Variants in KCNAB1 observed in about 807,000 individuals in gnomAD.
KCNAB1 encodes the protein voltage-gated potassium channel subunit beta-1.
KCNAB1 carries 35 observed loss-of-function variants against 64.6 expected under a neutral mutation model. The observed-to-expected ratio is 0.54, with a 90% CI of 0.41 to 0.72. The LOEUF is 0.72. Among genes scored for constraint, KCNAB1 ranks in the 30% least tolerant of loss-of-function variants. The pLI is 0.00. For synonymous variants in KCNAB1, 177 were observed against 183.8 expected, an observed-to-expected ratio of 0.96 and a Z score of 0.30; for missense variants, 401 against 512.9, an observed-to-expected ratio of 0.78 and a Z score of 2.11.
intron 8 of KCNAB1, among the ~76,000 whole-genome samples, chr3:156,512,858 C>A (rs114149968): frequency 0.019 from 2,849 of 152,300 alleles, 39 homozygotes; most frequent in Non-Finnish European, 0.029. Context: ...CTCTGTTGGA[C>A]ACACAATGGT....
chr3:156,431,825 G>A (rs1716231425), intron 2 of KCNAB1, among the ~76,000 whole-genome samples: 1 of 152,182 alleles, frequency 6.6e-6, no homozygotes, highest in Non-Finnish European at 1.5e-5. Flanking sequence ...TGAATTCTGT[G>A]AGCTGCAGGT....
chr3:156,424,035 C>T (rs1715649729), intron 2 of KCNAB1, among the ~76,000 whole-genome samples: 1 of 152,054 alleles, frequency 6.6e-6, no homozygotes, highest in Non-Finnish European at 1.5e-5. Flanking sequence ...TATGGTGTGT[C>T]CATTGGGAGA....
At chr3:156,461,028 A>G (rs954401157) in intron 5 of KCNAB1, among the ~76,000 whole-genome samples, 2 of 152,198 alleles carry the variant, frequency 1.3e-5, no homozygotes, top group Non-Finnish European at 2.9e-5. Flanking sequence ...GGGAACTGTA[A>G]GGATGTTAAT....
chr3:156,183,993 C>T (rs1488900426), intron 1 of KCNAB1, among the ~76,000 whole-genome samples: 3 of 152,108 alleles, frequency 2.0e-5, no homozygotes, highest in Non-Finnish European at 4.4e-5. Flanking sequence ...TACCTACCTC[C>T]TAGGACTGTT....
At chr3:156,192,458 T>C (rs1029948180) in intron 1 of KCNAB1, among the ~76,000 whole-genome samples, 1 of 152,182 alleles carries the variant, frequency 6.6e-6, no homozygotes, top group Non-Finnish European at 1.5e-5. Flanking sequence ...TTGAAAATAA[T>C]GTGTTTTGCT....
At chr3:156,234,933 G>A (rs962688982) in intron 1 of KCNAB1, among the ~76,000 whole-genome samples, 5 of 152,074 alleles carry the variant, frequency 3.3e-5, no homozygotes, top group African/African-American at 7.2e-5. Flanking sequence ...ATGTATATTA[G>A]CACTGTTAAA....
chr3:156,319,569 C>A (rs973582778), intron 1 of KCNAB1, among the ~76,000 whole-genome samples: 2 of 152,128 alleles, frequency 1.3e-5, no homozygotes, highest in Admixed American at 6.5e-5. Flanking sequence ...ATGCAGGGGG[C>A]CAGAAACACT....
intron 1 of KCNAB1, among the ~76,000 whole-genome samples, chr3:156,338,008 A>G (rs919552829): frequency 2.0e-5 from 3 of 152,086 alleles, no homozygotes; most frequent in Non-Finnish European, 4.4e-5. Context: ...ACAAGTAACA[A>G]TTTTGCTGAT....
At chr3:156,487,042 A>C (rs1024051594) in intron 8 of KCNAB1, among the ~76,000 whole-genome samples, 1 of 152,178 alleles carries the variant, frequency 6.6e-6, no homozygotes. Context: ...TGCTTGTTAC[A>C]CGTTTAAATA....
At chr3:156,509,864 A>G (rs1250369565) in intron 8 of KCNAB1, among the ~76,000 whole-genome samples, 4 of 152,348 alleles carry the variant, frequency 2.6e-5, no homozygotes, top group African/African-American at 9.6e-5. Flanking sequence ...AGTATCTAGA[A>G]GACAGTTGAT....
At chr3:156,303,022 T>C (rs1721260122) in intron 1 of KCNAB1, among the ~76,000 whole-genome samples, 1 of 152,200 alleles carries the variant, frequency 6.6e-6, no homozygotes, top group Non-Finnish European at 1.5e-5. Context: ...ACTCACGCTG[T>C]CCCTGCTTTG....
intron 1 of KCNAB1, among the ~76,000 whole-genome samples, chr3:156,320,950 C>T (rs1487230053): frequency 6.7e-6 from 1 of 150,306 alleles, no homozygotes; most frequent in Non-Finnish European, 1.5e-5. Context: ...AACCAATAGT[C>T]TTTGAGAGCT....
At chr3:156,250,258 C>T (rs931002935) in intron 1 of KCNAB1, among the ~76,000 whole-genome samples, 11 of 152,120 alleles carry the variant, frequency 7.2e-5, no homozygotes, top group African/African-American at 2.7e-4. Context: ...CAGGGACAGT[C>T]CATCCTTTCT....
At position 156,471,982 on chromosome 3, in the gene KCNAB1, A is replaced by G. The variant is rs144242402; in HGVS notation, c.572-2752A>G. 1.9e-3 allele frequency among the ~76,000 whole-genome samples: 283 copies of G among 152,256 alleles called. 2 individuals are homozygous for G. The highest frequency in any genetic ancestry group is 6.6e-3 in the African/African-American group (274 of 41,552). Reference sequence around the variant, plus strand: ...TCACAGGGTCATTCGGGACAGCCCAAATCAGTACCCTGAATCCCAAACCCT... The same window carrying G: ...TCACAGGGTCATTCGGGACAGCCCAGATCAGTACCCTGAATCCCAAACCCT... On this transcript the variant is annotated intron_variant, in intron 7 of 13. Transcript: ENST00000490337.
intron 11 of KCNAB1, among the ~76,000 whole-genome samples, chr3:156,517,855 G>A (rs538023673): frequency 7.2e-5 from 11 of 152,278 alleles, no homozygotes; most frequent in South Asian, 2.1e-4. Context: ...ACTAAAACAC[G>A]AAGACCTTAA....
chr3:156,504,998 C>T (rs1716736905), intron 8 of KCNAB1, among the ~76,000 whole-genome samples: 1 of 152,012 alleles, frequency 6.6e-6, no homozygotes, highest in Admixed American at 6.6e-5. Flanking sequence ...TTTCCTGAAG[C>T]ATTTCCCCTG....
intron 12 of KCNAB1, among the ~76,000 whole-genome samples, chr3:156,529,179 C>T (rs1301576828): frequency 6.6e-6 from 1 of 152,144 alleles, no homozygotes; most frequent in Non-Finnish European, 1.5e-5. Context: ...TATACGGGTA[C>T]ATAGTGCAAC....
chr3:156,368,448 A>T (rs1453564909), intron 1 of KCNAB1, among the ~76,000 whole-genome samples: 1 of 152,130 alleles, frequency 6.6e-6, no homozygotes, highest in Non-Finnish European at 1.5e-5. Flanking sequence ...TTTTTTAGAG[A>T]CAGGGTCTCT....
intron 1 of KCNAB1, among the ~76,000 whole-genome samples, chr3:156,417,555 G>A (rs1405331140): frequency 3.9e-5 from 6 of 152,140 alleles, no homozygotes; most frequent in African/African-American, 7.2e-5. Flanking sequence ...TCTAAGATAC[G>A]TACATCGAGA....
Sources: gnomAD v4.1 joint callset for allele counts (sites outside exome capture counted in the v4.1 genomes callset) on GRCh38, gnomAD v4.1.1 for gene constraint, MANE v1.5 for transcripts, NCBI Gene and HGNC (gene_info 2026-07-23, HGNC 2026-07-21) for gene names.